Variants in HEATR5A observed in about 807,000 individuals in gnomAD.
The protein encoded by HEATR5A is HEAT repeat-containing protein 5A.
HEATR5A carries 178 observed loss-of-function variants against 218.8 expected under a neutral mutation model. The ratio of observed to expected loss-of-function variants is 0.81; its 90% CI spans 0.72 to 0.92. The LOEUF (loss-of-function observed/expected upper bound fraction) is 0.92, where lower values mean the gene tolerates loss of function less well. Among genes scored for constraint, HEATR5A ranks in the 40% least tolerant of loss-of-function variants. The probability of loss-of-function intolerance (pLI) is 0.00; values close to 1 mark genes in which losing one functional copy is unlikely to be tolerated. For synonymous variants in HEATR5A, 864 were observed against 871.6 expected, an observed-to-expected ratio of 0.99 and a Z score of 0.15; for missense variants, 2,420 against 2,418.9, an observed-to-expected ratio of 1.00 and a Z score of -0.01.
intron 22 of HEATR5A, among the ~76,000 whole-genome samples, chr14:31,327,695 C>G (rs558771172): frequency 3.4e-4 from 51 of 152,238 alleles, no homozygotes; most frequent in Non-Finnish European, 5.4e-4. Flanking sequence ...AAACAGAAAA[C>G]AAACACTATA....
rs1464686792 is a variant in HEATR5A at position 31,387,160 on chromosome 14, C to G, written c.1149G>C (p.Lys383Asn). The change falls in exon 8 of 36, where the codon AAG becomes AAC. Residue 383 changes from lysine to asparagine, a missense_variant. Transcript: ENST00000543095. ...LGEKAQLAAV[K>N]DICQAIWKLK... is the part of the protein sequence containing the mutation. Reference sequence around the variant, plus strand: ...GCTTCCAGATGGCCTGGCAAATATCCTTTACAGCAGCAAGCTGAGCCTTTT... The same window carrying G: ...GCTTCCAGATGGCCTGGCAAATATCGTTTACAGCAGCAAGCTGAGCCTTTT... 2 of 1,613,958 alleles carry G rather than the reference C, an allele frequency of 1.2e-6. No individual in the cohort carries two copies. The highest frequency in any genetic ancestry group is 2.2e-5 in the South Asian group (2 of 91,076).
rs760166164 is a variant in HEATR5A at position 31,345,253 on chromosome 14, T to C, written c.2892A>G (p.Ser964=). The C allele has an allele frequency of 3.1e-6, 5 of 1,612,228 alleles. No individual in the cohort carries two copies. The South Asian group carries it at 4.4e-5, about 14-fold the overall frequency. ...GTGGGCCAGCAGAATCAATGATCAA[T>C]GATAGAGAATGTAATGCCCAGGTCT... ...DVQTWALHSL[S]LIIDSAGPLY... is the part of the protein sequence containing the mutation. The change falls in exon 20 of 36, where the codon TCA becomes TCG. Residue 964 remains serine, a synonymous_variant. Transcript: ENST00000543095.
In HEATR5A at chr14:31,387,112, A is replaced by C. The variant is rs750785156; in HGVS notation, c.1189+8T>G. On this transcript the variant is annotated splice_region_variant and intron_variant, in intron 8 of 35. Transcript: ENST00000543095. ...TGTTAAACAAACTGTCTTAGTAGAG[A>C]TCCATACCCATAACTTTCTTTAGCT... 1 of 1,613,850 alleles carries C rather than the reference A, an allele frequency of 6.2e-7. No individual in the cohort carries two copies. The highest frequency in any genetic ancestry group is 1.1e-5 in the South Asian group (1 of 91,076).
chr14:31,345,058 TA>T (rs775955570), intron 20 of HEATR5A, 28 bp downstream of exon 20: 4 of 1,568,738 alleles, frequency 2.5e-6, no homozygotes, highest in African/African-American at 1.4e-5. Context: ...ATTTTTAATG[TA>T]AAACATCACA....
chr14:31,367,608 G>A (rs61408696), intron 13 of HEATR5A, among the ~76,000 whole-genome samples: 3,922 of 121,250 alleles, frequency 0.032, 197 homozygotes, highest in African/African-American at 0.11. Flanking sequence ...TAGTACAGAC[G>A]GGGTCTCACC....
chr14:31,366,852 T>A (rs574570386), intron 13 of HEATR5A, among the ~76,000 whole-genome samples: 2 of 152,136 alleles, frequency 1.3e-5, no homozygotes, highest in Non-Finnish European at 2.9e-5. Flanking sequence ...ATGGTAGGGG[T>A]GTAAAACCCA....
In HEATR5A at chr14:31,400,507, A is replaced by C; in HGVS notation, c.132T>G (p.Asp44Glu). The C allele has an allele frequency of 6.5e-7, 1 of 1,527,680 alleles. No homozygotes were observed. Among genetic ancestry groups the C allele is most frequent in the Non-Finnish European group, 8.8e-7 (1 of 1,140,726 alleles). 94.6% of individuals were successfully genotyped at this position (1,527,680 alleles called of 1,614,324 possible). A position where few individuals can be genotyped will look rare whatever the true frequency, so the allele number is the denominator to read the frequency against. ...EKLLLATSRN[D>E]VREKQKTLVE... ...CAAGAGTCTTCTGTTTCTCCCTTAC[A>C]TCATTCTAGAAAGAAAGATAACACA... The change falls in exon 3 of 36, where the codon GAT becomes GAG. Residue 44 changes from aspartate (D) to glutamate (E), a missense_variant. Coordinates refer to ENST00000543095, the MANE Select transcript of HEATR5A (RefSeq NM_015473.4).
Position 31,309,108 on chromosome 14 carries a change from G to T in HEATR5A, c.4516C>A (p.His1506Asn), listed in dbSNP as rs763226757. The T allele has an allele frequency of 6.2e-7, 1 of 1,613,942 alleles. No homozygotes were observed. Among genetic ancestry groups the T allele is most frequent in the East Asian group, 2.2e-5 (1 of 44,878 alleles). Residue 1506 changes from histidine to asparagine, a missense_variant, in exon 29 of 36, where the codon CAT (histidine) becomes AAT (asparagine). By Grantham distance (68) the His-to-Asn change is moderately conservative (BLOSUM62 1). Transcript: ENST00000543095. ...CTTGTAAGCCACAATGCTGTAGCAT[G>T]GAGGATAAGTGCCCAGGAGTTGTAA... ...HYYNSWALIL[H>N]ATALWLTSTG... is the part of the protein sequence containing the mutation.
At chr14:31,324,683 CTT>C (rs57220635) in intron 23 of HEATR5A, among the ~76,000 whole-genome samples, 220 of 125,978 alleles carry the variant, frequency 1.7e-3, no homozygotes, top group Middle Eastern at 3.9e-3. Flanking sequence ...CATGTATTTT[CTT>C]TTTTTTTTTT....
intron 4 of HEATR5A, among the ~76,000 whole-genome samples, chr14:31,397,571 A>T (rs945400265): frequency 6.7e-6 from 1 of 149,640 alleles, no homozygotes; most frequent in Non-Finnish European, 1.5e-5. Context: ...AGGCTGGAGA[A>T]TTGCTGGAGC....
chr14:31,334,809 G>A (rs1371598323), intron 22 of HEATR5A, among the ~76,000 whole-genome samples: 3 of 152,060 alleles, frequency 2.0e-5, no homozygotes, highest in African/African-American at 7.2e-5. Context: ...AGCTGGGTGT[G>A]GTGGTGGGCA....
chr14:31,316,484 C>CT (rs1445076684), intron 26 of HEATR5A, among the ~76,000 whole-genome samples: 3 of 152,042 alleles, frequency 2.0e-5, no homozygotes, highest in African/African-American at 7.2e-5. Flanking sequence ...AAGTCTAAGG[C>CT]TGAAGCAAGG....
At position 31,323,604 on chromosome 14, in the gene HEATR5A, T is replaced by A; in HGVS notation, c.3748A>T (p.Ile1250Phe). Residue 1250 changes from isoleucine (I) to phenylalanine (F), a missense_variant, in exon 24 of 36, where the codon ATT (isoleucine) becomes TTT (phenylalanine). Coordinates refer to ENST00000543095, the MANE Select transcript of HEATR5A (RefSeq NM_015473.4). ...CENANSAHFD[I>F]ALAQEMKKRD... ...TTTTTCATTTCTTGTGCTAAAGCAA[T>A]GTCAAAATGTGCACTGTTAGCATTC... is the stretch of plus-strand genomic sequence containing the variant. 1 of 1,612,212 alleles carries A rather than the reference T, an allele frequency of 6.2e-7. No individual in the cohort carries two copies. The highest frequency in any genetic ancestry group is 8.5e-7 in the Non-Finnish European group (1 of 1,178,804).
chr14:31,332,661 A>C (rs1178721660), intron 22 of HEATR5A, among the ~76,000 whole-genome samples: 1 of 152,166 alleles, frequency 6.6e-6, no homozygotes, highest in East Asian at 1.9e-4. Context: ...GAAGATAAAC[A>C]ACCTTATTAA....
intron 1 of HEATR5A, among the ~76,000 whole-genome samples, chr14:31,417,765 GGAGA>G (rs1308438929): frequency 6.8e-6 from 1 of 147,424 alleles, no homozygotes; most frequent in Non-Finnish European, 1.5e-5. Flanking sequence ...AAAAAAAAAA[GGAGA>G]GAGTTGCCAA....
At chr14:31,419,623 A>T (rs1348093227) in intron 1 of HEATR5A, among the ~76,000 whole-genome samples, 1 of 152,248 alleles carries the variant, frequency 6.6e-6, no homozygotes, top group African/African-American at 2.4e-5. Flanking sequence ...TGCACATAAA[A>T]ACAATGGATA....
chr14:31,386,245 A>G (rs923759010), intron 9 of HEATR5A, among the ~76,000 whole-genome samples, 175 bp downstream of exon 9: 1 of 152,226 alleles, frequency 6.6e-6, no homozygotes, highest in African/African-American at 2.4e-5. Context: ...CTTTAATTAC[A>G]GAAGAAAAAA....
intron 10 of HEATR5A, among the ~76,000 whole-genome samples, chr14:31,381,127 A>T (rs1192936143): frequency 6.6e-6 from 1 of 152,192 alleles, no homozygotes; most frequent in Non-Finnish European, 1.5e-5. Flanking sequence ...ACATGCCTGT[A>T]GTCCCAGCTA....
Position 31,394,089 on chromosome 14 carries a change from T to C in HEATR5A, c.735A>G (p.Ile245Met). The C allele has an allele frequency of 2.6e-6, 4 of 1,533,146 alleles. No homozygotes were observed. The highest frequency in any genetic ancestry group is 3.5e-6 in the Non-Finnish European group (4 of 1,145,214). The allele number at this position is 1,533,146 out of a possible 1,614,324, so 95.0% of individuals were successfully genotyped here. A position where few individuals can be genotyped will look rare whatever the true frequency, so the allele number is the denominator to read the frequency against. Residue 245 changes from isoleucine to methionine, a missense_variant, in exon 6 of 36, where the codon ATA becomes ATG. Coordinates refer to ENST00000543095, the MANE Select transcript of HEATR5A (RefSeq NM_015473.4). ...RISVSKLLGI[I>M]LAKAVISKHP... ...GTTTAGAAATTACAGCTTTAGCTAA[T>C]ATTATGCCTAGTAACTTTGAAACAG...
Sources: allele counts gnomAD v4.1 joint callset (sites outside exome capture counted in the v4.1 genomes callset), GRCh38; gene constraint gnomAD v4.1.1; transcripts MANE v1.5; gene names NCBI Gene and HGNC (gene_info 2026-07-23, HGNC 2026-07-21).